The following TNRC6B variants were observed in gnomAD, a reference collection of about 807,000 sequenced individuals.
The protein encoded by TNRC6B is trinucleotide repeat-containing gene 6B protein.
A neutral mutation model predicts 203.6 loss-of-function variants in TNRC6B; 52 were observed. That is an observed-to-expected ratio of 0.26 (90% CI 0.20 to 0.32). The LOEUF (loss-of-function observed/expected upper bound fraction) is 0.32, where lower values mean the gene tolerates loss of function less well. Ranked by LOEUF, TNRC6B falls within the 10% of genes least tolerant of loss-of-function variation. The probability of loss-of-function intolerance (pLI) is 1.00; values close to 1 mark genes in which losing one functional copy is unlikely to be tolerated. For missense variants in TNRC6B, 1,923 were observed against 2,286.2 expected (o/e 0.84, Z 3.24); for synonymous variants, 838 against 845.7 (o/e 0.99, Z 0.16).
At chr22:40,232,043 G>A (rs2069878229) in intron 1 of TNRC6B, among the ~76,000 whole-genome samples, 1 of 152,154 alleles carries the variant, frequency 6.6e-6, no homozygotes, top group Non-Finnish European at 1.5e-5. Flanking sequence ...ATCAGGAGAG[G>A]TGGTGATGGC....
chr22:40,238,280 A>G (rs2069975539), intron 1 of TNRC6B, among the ~76,000 whole-genome samples: 1 of 152,110 alleles, frequency 6.6e-6, no homozygotes. Flanking sequence ...GCAGCAGGCC[A>G]GCCCCCCGAT....
At chr22:40,245,550 C>T (rs1462749853) in intron 1 of TNRC6B, among the ~76,000 whole-genome samples, 3 of 151,996 alleles carry the variant, frequency 2.0e-5, no homozygotes, top group African/African-American at 7.2e-5. Flanking sequence ...GCTTTATGTT[C>T]ACCACTCTGA....
chr22:40,267,706 A>G (rs1365789231), intron 5 of TNRC6B, among the ~76,000 whole-genome samples: 1 of 152,100 alleles, frequency 6.6e-6, no homozygotes, highest in African/African-American at 2.4e-5. Flanking sequence ...TCTCTACAAA[A>G]ATATTTTTTA....
In TNRC6B at chr22:40,279,996, A is replaced by T; in HGVS notation, c.3264A>T (p.Gly1088=). The T allele has an allele frequency of 6.2e-7, 1 of 1,613,860 alleles. No individual in the cohort carries two copies. The highest frequency in any genetic ancestry group is 8.5e-7 in the Non-Finnish European group (1 of 1,179,822). ...CACTCTGTGTATGCTACTTTTCAGG[A>T]AGCCTTTCAGATAAAAAATTTGATG... ...NPSSKMDLSV[G]SLSDKKFDVD... Residue 1088 remains glycine (G), a splice_region_variant and synonymous_variant, in exon 10 of 23, where the codon GGA becomes GGT. Transcript: ENST00000454349.
rs2070486434 is a variant in TNRC6B at position 40,266,719 on chromosome 22, C to T, written c.2489C>T (p.Pro830Leu). 6.8e-6 allele frequency: 11 copies of T among 1,613,862 alleles called. No homozygotes were observed. Among genetic ancestry groups the T allele is most frequent in the Admixed American group, 3.3e-5 (2 of 60,002 alleles). Residue 830 changes from proline (P) to leucine (L), a missense_variant, in exon 5 of 23, where the codon CCG (proline) becomes CTG (leucine). By Grantham distance (98) the Pro-to-Leu change is moderately conservative (BLOSUM62 -3). Transcript: ENST00000454349. Reference protein sequence around the residue: ...HQQQQPPQQPPPPQPEASGSW... With the variant: ...HQQQQPPQQPLPPQPEASGSW... ...CAGCAGCAGCCCCCACAGCAGCCGC[C>T]GCCACCACAACCAGAGGCTTCTGGT... is the stretch of plus-strand genomic sequence containing the variant.
At chr22:40,112,916 C>A (rs948750244) in intron 1 of TNRC6B, among the ~76,000 whole-genome samples, 5 of 152,074 alleles carry the variant, frequency 3.3e-5, no homozygotes, top group Non-Finnish European at 5.9e-5. Flanking sequence ...GTCAGGAGTT[C>A]AAGACAAGCC....
chr22:40,278,908 T>G (rs2070688804), intron 9 of TNRC6B, among the ~76,000 whole-genome samples: 1 of 152,162 alleles, frequency 6.6e-6, no homozygotes, highest in Non-Finnish European at 1.5e-5. Context: ...GCACAGCTAA[T>G]TTTTGTATTT....
intron 11 of TNRC6B, 102 bp from the exon 12 acceptor site, chr22:40,285,543 A>C (rs1044165156): frequency 7.9e-6 from 11 of 1,388,116 alleles, no homozygotes; most frequent in Middle Eastern, 1.9e-4. Context: ...TCCATCGAAC[A>C]CAGCCTGTGA....
intron 15 of TNRC6B, among the ~76,000 whole-genome samples, chr22:40,301,758 C>T (rs568236025): frequency 2.0e-5 from 3 of 152,232 alleles, no homozygotes; most frequent in Admixed American, 1.3e-4. Context: ...GGATTGTTTC[C>T]ACCTTTTAAC....
chr22:40,132,595 A>G (rs569221204), intron 3 of TNRC6B, among the ~76,000 whole-genome samples: 1 of 147,972 alleles, frequency 6.8e-6, no homozygotes, highest in South Asian at 2.1e-4. Context: ...CAGTGAGCCA[A>G]GATCATGCCC....
chr22:40,273,994 A>C (rs2146512748), intron 7 of TNRC6B, among the ~76,000 whole-genome samples: 1 of 152,276 alleles, frequency 6.6e-6, no homozygotes, highest in East Asian at 1.9e-4. Flanking sequence ...TGGGGTCCTC[A>C]AGGTCCTAAG....
At position 40,323,738 on chromosome 22, in the gene TNRC6B, G is replaced by GGGAAGACT. The variant is rs1243369108; in HGVS notation, c.*498_*505dup. ...AAAAGAATTGTTGGGGGAGGGGGGA[G>GGGAAGACT]GGAAGACTTGACGGAGCCTCACTTT... On this transcript the variant is annotated 3_prime_UTR_variant, in exon 23 of 23. Transcript: ENST00000454349. 9.0e-6 allele frequency: 1 copy of GGGAAGACT among 110,818 alleles called. No individual in the cohort carries two copies. The highest frequency in any genetic ancestry group is 1.8e-5 in the Non-Finnish European group (1 of 57,046). 6.9% of individuals were successfully genotyped at this position (110,818 alleles called of 1,614,324 possible).
chr22:40,268,402 C>T (rs991875223), intron 5 of TNRC6B, among the ~76,000 whole-genome samples: 2 of 152,044 alleles, frequency 1.3e-5, no homozygotes, highest in African/African-American at 4.8e-5. Context: ...CAGTTTTCTC[C>T]GAGTACACCT....
chr22:40,225,184 G>C (rs2069766276), intron 1 of TNRC6B, among the ~76,000 whole-genome samples: 1 of 152,190 alleles, frequency 6.6e-6, no homozygotes, highest in Admixed American at 6.5e-5. Context: ...AGTGTAGCAG[G>C]GGAGCACCTT....
At chr22:40,134,772 A>G (rs920761638) in intron 3 of TNRC6B, among the ~76,000 whole-genome samples, 11 of 152,246 alleles carry the variant, frequency 7.2e-5, no homozygotes, top group African/African-American at 2.7e-4. Flanking sequence ...TACTAAGGTA[A>G]CATGTTACTA....
intron 7 of TNRC6B, among the ~76,000 whole-genome samples, chr22:40,275,753 G>T (rs1477551578): frequency 6.6e-6 from 1 of 151,736 alleles, no homozygotes; most frequent in Non-Finnish European, 1.5e-5. Context: ...GAGGTCAAGA[G>T]TTCAAGACCA....
intron 1 of TNRC6B, among the ~76,000 whole-genome samples, chr22:40,075,118 G>A (rs1214734502): frequency 9.2e-6 from 1 of 109,116 alleles, no homozygotes; most frequent in Non-Finnish European, 1.8e-5. Context: ...ATTTAGCCAA[G>A]TTGATTGTTG....
At chr22:40,187,289 A>G (rs1425790389) in intron 1 of TNRC6B, among the ~76,000 whole-genome samples, 1 of 152,226 alleles carries the variant, frequency 6.6e-6, no homozygotes, top group Non-Finnish European at 1.5e-5. Context: ...TTCTTAGAAT[A>G]CATGTTGGCT....
intron 1 of TNRC6B, among the ~76,000 whole-genome samples, chr22:40,116,299 C>T (rs529754048): frequency 3.9e-5 from 6 of 152,374 alleles, no homozygotes; most frequent in Non-Finnish European, 7.3e-5. Context: ...AGCACCTACA[C>T]ACACATAGGT....
Sources: gnomAD v4.1 joint callset for allele counts (sites outside exome capture counted in the v4.1 genomes callset) on GRCh38, gnomAD v4.1.1 for gene constraint, MANE v1.5 for transcripts, NCBI Gene and HGNC (gene_info 2026-07-23, HGNC 2026-07-21) for gene names.